The following ZNF615 variants were observed in gnomAD, a reference collection of about 807,000 sequenced individuals.
ZNF615 encodes the protein zinc finger protein 615.
In ZNF615, 15 loss-of-function variants were observed where a neutral mutation model predicts 15.3. That is an observed-to-expected ratio of 0.98 (90% CI 0.66 to 1.51). The LOEUF is 1.51. Among genes scored for constraint, ZNF615 ranks in the 40% most tolerant of loss-of-function variants. The pLI, the probability that ZNF615 is intolerant of heterozygous loss-of-function variation, is 0.00. For synonymous variants in ZNF615, 268 were observed against 294.6 expected (o/e 0.91, Z 0.92); for missense variants, 848 against 895.9 (o/e 0.95, Z 0.68).
At chr19:51,996,123 C>T (rs1280634396) in intron 6 of ZNF615, among the ~76,000 whole-genome samples, 1 of 152,060 alleles carries the variant, frequency 6.6e-6, no homozygotes, top group African/African-American at 2.4e-5. Flanking sequence ...GATACAGTGG[C>T]TCACACCTGT....
rs1298616754 is a variant in ZNF615, at chr19:52,001,898, G to A, written c.153C>T (p.Ala51=). The part of the protein sequence containing the change: ...YSNLVAVGYQ[A]SKPDALSKLE... ...ATTTGGAGAGTGCATCTGGTTTGCT[G>A]GCTTGATACCCTGTTCATGGGAAAT... The change falls in exon 5 of 7, where the codon GCC becomes GCT. Residue 51 remains alanine, a synonymous_variant. Transcript: ENST00000598071. 2 of 1,614,036 alleles carry A rather than the reference G, an allele frequency of 1.2e-6. No homozygotes were observed. Among genetic ancestry groups the A allele is most frequent in the African/African-American group, 2.7e-5 (2 of 74,908 alleles).
chr19:52,001,345 C>T (rs1321160407), intron 5 of ZNF615, among the ~76,000 whole-genome samples: 3 of 152,058 alleles, frequency 2.0e-5, no homozygotes, highest in African/African-American at 4.8e-5. Flanking sequence ...GGGGGCCGGG[C>T]GCAGTGGCTC....
In ZNF615 at chr19:51,994,703, G is replaced by C; in HGVS notation, c.406C>G (p.Gln136Glu). 6.2e-7 allele frequency: 1 copy of C among 1,613,576 alleles called. No individual in the cohort carries two copies. Among genetic ancestry groups the C allele is most frequent in the Non-Finnish European group, 8.5e-7 (1 of 1,179,952 alleles). ...NQNKGHFLLK[Q>E]DCDTFDLHEK... ...TGTAAGTCAAACGTATCACAATCTTGCTTCAGCAGGAAATGACCTTTGTTC... is the reference window on the plus strand; with the variant it reads ...TGTAAGTCAAACGTATCACAATCTTCCTTCAGCAGGAAATGACCTTTGTTC... The change falls in exon 7 of 7, where the codon CAA becomes GAA. Residue 136 changes from glutamine (Q) to glutamate (E), a missense_variant. By Grantham distance (29) the Gln-to-Glu change is conservative. Transcript: ENST00000598071.
rs143725071 is a variant in ZNF615 at position 52,003,897 on chromosome 19, T to C, written c.-186A>G. 2 of 1,392,874 alleles carry C rather than the reference T, an allele frequency of 1.4e-6. No individual in the cohort carries two copies. Among genetic ancestry groups the C allele is most frequent in the African/African-American group, 1.4e-5 (1 of 69,246 alleles). 86.3% of individuals were successfully genotyped at this position (1,392,874 alleles called of 1,614,324 possible). On this transcript the variant is annotated 5_prime_UTR_variant, in exon 3 of 7. Coordinates refer to ENST00000598071, the MANE Select transcript of ZNF615 (RefSeq NM_001199324.2). ...TGATTTCTCTTGTTCTCAGCACCTG[T>C]GGGCTGAAGAGCAAATTACTCTGAG...
Position 51,993,862 on chromosome 19 carries a change from C to T in ZNF615, c.1247G>A (p.Cys416Tyr), listed in dbSNP as rs1489671120. 3 of 1,614,174 alleles carry T rather than the reference C, an allele frequency of 1.9e-6. No homozygotes were observed. The African/African-American group carries it at 4.0e-5, about 22-fold the overall frequency. The change falls in exon 7 of 7, where the codon TGT (cysteine) becomes TAT (tyrosine). Residue 416 changes from cysteine to tyrosine, a missense_variant. Coordinates refer to ENST00000598071, the MANE Select transcript of ZNF615 (RefSeq NM_001199324.2). Reference sequence around the variant, plus strand: ...GTGCTTCATTGAAAAGCCTTTTCCACATTCACTACATGTATATAATTTCTC... The same window carrying T: ...GTGCTTCATTGAAAAGCCTTTTCCATATTCACTACATGTATATAATTTCTC... Reference protein sequence around the residue: ...TGEKLYTCSECGKGFSMKHCL... With the variant: ...TGEKLYTCSEYGKGFSMKHCL...
rs1555771241 is a variant in ZNF615 at position 51,996,402 on chromosome 19, A to AAAAAAAAAC, written c.272-1566_272-1565insGTTTTTTTT. On this transcript the variant is annotated intron_variant, in intron 6 of 6. Transcript: ENST00000598071. ...CTCTGTCTCAAAAAAAAAAAAAAAA[A>AAAAAAAAAC]AAAAAACGCAAAACTATATGGCTTC... Among the ~76,000 whole-genome samples, 67 of 134,344 alleles carry AAAAAAAAAC rather than the reference A, an allele frequency of 5.0e-4. 1 individual carries two copies. The highest frequency in any genetic ancestry group is 1.0e-3 in the South Asian group (4 of 3,880). 88.1% of individuals were successfully genotyped at this position (134,344 alleles called of 152,430 possible). A position where few individuals can be genotyped will look rare whatever the true frequency, so the allele number is the denominator to read the frequency against.
Position 51,994,621 on chromosome 19 carries a change from A to C in ZNF615, c.488T>G (p.Leu163Arg). 1 of 1,613,254 alleles carries C rather than the reference A, an allele frequency of 6.2e-7. No individual in the cohort carries two copies. Among genetic ancestry groups the C allele is most frequent in the Non-Finnish European group, 8.5e-7 (1 of 1,179,888 alleles). Reference protein sequence around the residue: ...SFENQKRSSGLKNSAEFNRDG... With the variant: ...SFENQKRSSGRKNSAEFNRDG... ...TCTATTAAACTCAGCAGAGTTCTTT[A>C]GGCCAGAGCTCCTTTTCTGGTTTTC... Residue 163 changes from leucine to arginine, a missense_variant, in exon 7 of 7, where the codon CTA (leucine) becomes CGA (arginine). Coordinates refer to ENST00000598071, the MANE Select transcript of ZNF615 (RefSeq NM_001199324.2).
At chr19:52,000,988 A>G (rs1461127618) in intron 5 of ZNF615, among the ~76,000 whole-genome samples, 1 of 152,104 alleles carries the variant, frequency 6.6e-6, no homozygotes, top group African/African-American at 2.4e-5. Context: ...GAACTTAAGA[A>G]ACACATAAAT....
At chr19:52,002,502 C>T (rs112418621) in intron 3 of ZNF615, 8 of 652,822 alleles carry the variant, frequency 1.2e-5, no homozygotes, top group South Asian at 1.2e-4. Context: ...CTGTAATACA[C>T]AGCTATCCAA....
chr19:52,001,933 T>C (rs760332966), intron 4 of ZNF615, 25 bp from the exon 5 acceptor site: 1 of 1,612,478 alleles, frequency 6.2e-7, no homozygotes, highest in Non-Finnish European at 8.5e-7. Context: ...TGACAGAAGA[T>C]TTAGACAAAT....
intron 3 of ZNF615, among the ~76,000 whole-genome samples, chr19:52,003,480 C>T (rs567143212): frequency 1.3e-5 from 2 of 152,246 alleles, no homozygotes; most frequent in African/African-American, 4.8e-5. Context: ...AAGTTTACAG[C>T]AAATGTAACC....
Position 52,003,919 on chromosome 19 carries a change from T to C in ZNF615, c.-189-19A>G. On this transcript the variant is annotated intron_variant, in intron 2 of 6. Coordinates refer to ENST00000598071, the MANE Select transcript of ZNF615 (RefSeq NM_001199324.2). ...CTGTGGGCTGAAGAGCAAATTACTC[T>C]GAGTGGTACATTCTTTTTAGGCCCA... The C allele has an allele frequency of 3.7e-6, 5 of 1,349,274 alleles. No individual in the cohort carries two copies. Among genetic ancestry groups the C allele is most frequent in the Non-Finnish European group, 4.8e-6 (5 of 1,051,618 alleles). 83.6% of individuals were successfully genotyped at this position (1,349,274 alleles called of 1,614,324 possible). A position where few individuals can be genotyped will look rare whatever the true frequency, so the allele number is the denominator to read the frequency against.
chr19:52,000,293 G>A, intron 6 of ZNF615, 53 bp downstream of exon 6: 1 of 577,062 alleles, frequency 1.7e-6, no homozygotes, highest in Non-Finnish European at 3.1e-6. Context: ...TGGGTGACAG[G>A]ATTGAGCTTC....
Position 51,993,090 on chromosome 19 carries a change from CAA to C in ZNF615, c.2017_2018del (p.Leu673AlafsTer4). The C allele has an allele frequency of 1.9e-6, 3 of 1,614,098 alleles. No homozygotes were observed. The highest frequency in any genetic ancestry group is 1.1e-5 in the South Asian group (1 of 91,072). On this transcript the variant is annotated frameshift_variant, in exon 7 of 7. Transcript: ENST00000598071. LOFTEE classifies it low-confidence loss of function (END_TRUNC). ...GATGTGTAATAAGATCATTTTTGCG[CAA>C]AGAGAATTTTCCACATTCAGTACAT... ...FACTECGKFSLRKNDLITHQR... is the reference protein window; with the variant it reads ...FACTECGKFSXRKNDLITHQR...
rs1289201091 is a variant in ZNF615 at position 51,992,643 on chromosome 19, A to C, written c.*237T>G. On this transcript the variant is annotated 3_prime_UTR_variant, in exon 7 of 7. Coordinates refer to ENST00000598071, the MANE Select transcript of ZNF615 (RefSeq NM_001199324.2). Reference sequence around the variant, plus strand: ...TCTATGATCACTTCTGAGGGGGTTTATCTTCCCACCAAAGGCTTTTATAGT... The same window carrying C: ...TCTATGATCACTTCTGAGGGGGTTTCTCTTCCCACCAAAGGCTTTTATAGT... 4 of 512,168 alleles carry C rather than the reference A, an allele frequency of 7.8e-6. No individual in the cohort carries two copies. The highest frequency in any genetic ancestry group is 1.4e-5 in the Non-Finnish European group (4 of 291,912). 31.7% of individuals were successfully genotyped at this position (512,168 alleles called of 1,614,324 possible).
At chr19:52,006,496 C>T (rs1381446453) in intron 2 of ZNF615, among the ~76,000 whole-genome samples, 1 of 152,016 alleles carries the variant, frequency 6.6e-6, no homozygotes, top group African/African-American at 2.4e-5. Context: ...TACTTTATAC[C>T]GAACCAAAAT....
chr19:51,997,533 C>G (rs1227686920), intron 6 of ZNF615, among the ~76,000 whole-genome samples: 1 of 152,156 alleles, frequency 6.6e-6, no homozygotes, highest in South Asian at 2.1e-4. Context: ...CGTGTTGCTA[C>G]AGAAAGAGGG....
At position 52,008,170 on chromosome 19, in the gene ZNF615, T is replaced by A. The variant is rs952492401; in HGVS notation, c.-257A>T. 2 of 1,535,386 alleles carry A rather than the reference T, an allele frequency of 1.3e-6. No individual in the cohort carries two copies. Among genetic ancestry groups the A allele is most frequent in the African/African-American group, 1.4e-5 (1 of 73,046 alleles). ...CAGAACTTGGTGGGCTCCGGCCTCATCTCTCGGCCTCCTCAGTGCCTGACG... is the reference window on the plus strand; with the variant it reads ...CAGAACTTGGTGGGCTCCGGCCTCAACTCTCGGCCTCCTCAGTGCCTGACG... On this transcript the variant is annotated 5_prime_UTR_variant, in exon 1 of 7. An upstream start codon of the reference 5' UTR is lost. Coordinates refer to ENST00000598071, the MANE Select transcript of ZNF615 (RefSeq NM_001199324.2).
rs1422373220 is a variant in ZNF615, at chr19:51,992,866, C to G, written c.*14G>C. ...TTAAGGGCCTACATCTGGCAAGAGG[C>G]TTTCCCAAAATGACTACCTGTGAAT... On this transcript the variant is annotated 3_prime_UTR_variant, in exon 7 of 7. Coordinates refer to ENST00000598071, the MANE Select transcript of ZNF615 (RefSeq NM_001199324.2). 1 of 1,611,418 alleles carries G rather than the reference C, an allele frequency of 6.2e-7. No homozygotes were observed. The highest frequency in any genetic ancestry group is 8.5e-7 in the Non-Finnish European group (1 of 1,178,062).
Sources: gnomAD v4.1 joint callset for allele counts (sites outside exome capture counted in the v4.1 genomes callset) on GRCh38, gnomAD v4.1.1 for gene constraint, MANE v1.5 for transcripts, NCBI Gene and HGNC (gene_info 2026-07-23, HGNC 2026-07-21) for gene names.